Variants in CHIA observed in about 807,000 individuals in gnomAD.
CHIA encodes the protein acidic mammalian chitinase.
CHIA carries 47 observed loss-of-function variants against 53.5 expected under a neutral mutation model. The observed-to-expected ratio is 0.88, with a 90% confidence interval of 0.70 to 1.12. CHIA has a LOEUF of 1.12. Ranked by LOEUF, CHIA falls within the 50% of genes most tolerant of loss-of-function variation. The probability of loss-of-function intolerance (pLI) is 0.00; values close to 1 mark genes in which losing one functional copy is unlikely to be tolerated. For synonymous variants in CHIA, 268 were observed against 222.2 expected (o/e 1.21, Z -1.83); for missense variants, 652 against 592.2 (o/e 1.10, Z -1.05).
intron 1 of CHIA, among the ~76,000 whole-genome samples, chr1:111,298,998 T>A (rs1431390582): frequency 6.6e-6 from 1 of 152,112 alleles, no homozygotes; most frequent in Non-Finnish European, 1.5e-5. Context: ...AATAAATGGA[T>A]AAATTCCTGG....
At chr1:111,294,067 G>A (rs369254316) in intron 1 of CHIA, among the ~76,000 whole-genome samples, 3 of 151,580 alleles carry the variant, frequency 2.0e-5, no homozygotes, top group East Asian at 3.9e-4. Flanking sequence ...GGGTGACAGA[G>A]TGAGACCCTG....
intron 1 of CHIA, among the ~76,000 whole-genome samples, chr1:111,306,815 G>A (rs1013516393): frequency 1.6e-4 from 24 of 152,086 alleles, no homozygotes; most frequent in African/African-American, 5.8e-4. Context: ...CACAGAAAAG[G>A]AAACAAAAAC....
At chr1:111,310,623 T>G in intron 2 of CHIA, 131 bp downstream of exon 2, 1 of 1,514,748 alleles carries the variant, frequency 6.6e-7, no homozygotes, top group Non-Finnish European at 8.8e-7. Context: ...CATTTCAAAT[T>G]TCAAATGAAT....
rs563181006 is a variant in CHIA, at chr1:111,290,886, C to T, written c.-133C>T. ...TGAAACCTCCTCGTCTGTGCACGAA[C>T]AGGTGGCCGACTCTGGAGCCCAGGC... On this transcript the variant is annotated 5_prime_UTR_variant, in exon 1 of 12. Transcript: ENST00000369740. 2.1e-6 allele frequency: 1 copy of T among 469,220 alleles called. No homozygotes were observed. Among genetic ancestry groups the T allele is most frequent in the South Asian group, 1.6e-5 (1 of 64,366 alleles). 29.1% of individuals were successfully genotyped at this position (469,220 alleles called of 1,614,324 possible). A position where few individuals can be genotyped will look rare whatever the true frequency, so the allele number is the denominator to read the frequency against.
intron 1 of CHIA, 79 bp from the exon 2 acceptor site, chr1:111,310,321 A>G (rs1169715370): frequency 2.0e-6 from 3 of 1,469,988 alleles, no homozygotes; most frequent in African/African-American, 2.8e-5. Context: ...AGGTCTTGGG[A>G]GGGTGTTTGT....
chr1:111,311,656 G>A (rs762787073), intron 2 of CHIA, 33 bp from the exon 3 acceptor site: 4 of 1,613,108 alleles, frequency 2.5e-6, no homozygotes, highest in East Asian at 2.2e-5. Flanking sequence ...ACAGACAATC[G>A]GTTCAAAGTA....
chr1:111,305,175 C>T (rs1022462342), intron 1 of CHIA, among the ~76,000 whole-genome samples: 1 of 152,158 alleles, frequency 6.6e-6, no homozygotes, highest in African/African-American at 2.4e-5. Context: ...TGGGCATATG[C>T]AGTGACTTTC....
intron 6 of CHIA, 64 bp from the exon 7 acceptor site, chr1:111,317,617 T>C: frequency 6.4e-7 from 1 of 1,554,816 alleles, no homozygotes. Flanking sequence ...ATATGTTTAT[T>C]AGTATTATTT....
rs376164222 is a variant in CHIA at position 111,320,301 on chromosome 1, C to A, written c.1266C>A (p.Gly422=). ...GGAGCGGGAGTAGCAGCTCTGGAGG[C>A]AGCTCGGGAGGCAGTGGATTCTGTG... is the stretch of plus-strand genomic sequence containing the variant. ...GNGSGSSSSG[G]SSGGSGFCAV... Residue 422 remains glycine (G), a synonymous_variant, in exon 12 of 12, where the codon GGC becomes GGA. Coordinates refer to ENST00000369740, the MANE Select transcript of CHIA (RefSeq NM_201653.4). 6.7e-5 allele frequency: 108 copies of A among 1,613,970 alleles called. 2 individuals are homozygous for A. The highest frequency in any genetic ancestry group is 4.8e-4 in the South Asian group (44 of 90,944).
intron 1 of CHIA, among the ~76,000 whole-genome samples, chr1:111,309,818 T>C (rs749101282): frequency 6.6e-6 from 1 of 152,238 alleles, no homozygotes; most frequent in African/African-American, 2.4e-5. Context: ...TTTTAGGGGA[T>C]GTAATTTGAA....
intron 1 of CHIA, among the ~76,000 whole-genome samples, chr1:111,309,069 A>C (rs1648456413): frequency 6.6e-6 from 1 of 152,236 alleles, no homozygotes; most frequent in African/African-American, 2.4e-5. Context: ...TAGCTAACGC[A>C]TGCTGGGCTT....
intron 1 of CHIA, among the ~76,000 whole-genome samples, chr1:111,297,901 C>CAAAAA (rs1188512345): frequency 0.012 from 391 of 31,862 alleles, 35 homozygotes; most frequent in South Asian, 0.025. Context: ...AAATGGAAAG[C>CAAAAA]AAAAAAAAAA....
At position 111,318,079 on chromosome 1, in the gene CHIA, T is replaced by C. The variant is rs1649317127; in HGVS notation, c.699T>C (p.Thr233=). 1.2e-6 allele frequency: 2 copies of C among 1,613,482 alleles called. No individual in the cohort carries two copies. The highest frequency in any genetic ancestry group is 1.1e-5 in the South Asian group (1 of 91,066). Residue 233 remains threonine, a synonymous_variant, in exon 8 of 12, where the codon ACT becomes ACC. Transcript: ENST00000369740. ...GENSPLYKYP[T]DTGSNAYLNV... The stretch of plus-strand genomic sequence containing the variant: ...ACAGCCCCCTCTACAAATACCCGAC[T>C]GACACCGGCAGCAACGCCTACCTCA...
At chr1:111,298,857 G>C (rs1270603393) in intron 1 of CHIA, among the ~76,000 whole-genome samples, 1 of 151,874 alleles carries the variant, frequency 6.6e-6, no homozygotes, top group Non-Finnish European at 1.5e-5. Context: ...TTACAAAGAA[G>C]AAAAGAAAGA....
At chr1:111,296,110 T>C (rs1661321493) in intron 1 of CHIA, among the ~76,000 whole-genome samples, 1 of 152,216 alleles carries the variant, frequency 6.6e-6, no homozygotes, top group East Asian at 1.9e-4. Flanking sequence ...GCTGCCTCTA[T>C]AGACTCCACC....
intron 1 of CHIA, among the ~76,000 whole-genome samples, chr1:111,308,417 C>G (rs571023786): frequency 6.6e-6 from 1 of 152,242 alleles, no homozygotes; most frequent in South Asian, 2.1e-4. Context: ...CAAAAGCTTG[C>G]GTACTTAACA....
intron 1 of CHIA, among the ~76,000 whole-genome samples, chr1:111,309,481 G>C (rs369576656): frequency 6.6e-6 from 1 of 152,204 alleles, no homozygotes; most frequent in Non-Finnish European, 1.5e-5. Context: ...AGAGCATTAA[G>C]ATAGAAAAGA....
chr1:111,311,850 C>T, intron 3 of CHIA, 132 bp downstream of exon 3: 3 of 917,346 alleles, frequency 3.3e-6, no homozygotes, highest in Admixed American at 3.5e-5. Flanking sequence ...TTTGGATTGG[C>T]TGTCACTGCT....
chr1:111,311,349 G>A (rs1648653249), intron 2 of CHIA, among the ~76,000 whole-genome samples: 2 of 152,200 alleles, frequency 1.3e-5, no homozygotes, highest in African/African-American at 4.8e-5. Context: ...TATCACTCAG[G>A]TAGGGGAAGA....
Sources: allele counts gnomAD v4.1 joint callset (sites outside exome capture counted in the v4.1 genomes callset), GRCh38; gene constraint gnomAD v4.1.1; transcripts MANE v1.5; gene names NCBI Gene and HGNC (gene_info 2026-07-23, HGNC 2026-07-21).